The following FANCC variants were observed in gnomAD, a reference collection of about 807,000 sequenced individuals.
FANCC encodes the protein Fanconi anemia group C protein.
A neutral mutation model predicts 71.3 loss-of-function variants in FANCC; 55 were observed. The ratio of observed to expected loss-of-function variants is 0.77; its 90% CI spans 0.62 to 0.97. The LOEUF (loss-of-function observed/expected upper bound fraction) is 0.97. FANCC is among the 50% of genes least tolerant of loss of function. The probability of loss-of-function intolerance (pLI) is 0.00; values close to 1 mark genes in which losing one functional copy is unlikely to be tolerated. For missense variants in FANCC, 678 were observed against 670.9 expected (o/e 1.01, Z -0.12); for synonymous variants, 275 against 244.9 (o/e 1.12, Z -1.15).
chr9:95,226,910 G>A (rs910732457), intron 4 of FANCC, among the ~76,000 whole-genome samples: 5 of 152,100 alleles, frequency 3.3e-5, no homozygotes, highest in African/African-American at 1.2e-4. Flanking sequence ...AGCTACAAAG[G>A]TCCAGCCCTC....
rs72752327 is a variant in FANCC at position 95,206,381 on chromosome 9, C to T, written c.346-34234G>A. Among the ~76,000 whole-genome samples, 1,406 of 151,984 alleles carry T rather than the reference C, an allele frequency of 9.3e-3. 14 individuals are homozygous for T. Among genetic ancestry groups the T allele is most frequent in the Non-Finnish European group, 0.017 (1,153 of 67,974 alleles). On this transcript the variant is annotated intron_variant, in intron 4 of 14. Transcript: ENST00000289081. ...TGCTGGATCTCGGTATCTGCCAGCG[C>T]GGTCTGTGCCATGTTGTAATTATTA... is the stretch of plus-strand genomic sequence containing the variant.
chr9:95,249,012 T>A (rs59787074), intron 2 of FANCC, 115 bp downstream of exon 2: 1 of 1,050,818 alleles, frequency 9.5e-7, no homozygotes, highest in African/African-American at 1.6e-5. Flanking sequence ...TCCTAATCCA[T>A]CGGCACTTCA....
At chr9:95,187,722 G>A (rs1156824559) in intron 4 of FANCC, among the ~76,000 whole-genome samples, 1 of 151,894 alleles carries the variant, frequency 6.6e-6, no homozygotes, top group African/African-American at 2.4e-5. Context: ...TGTGCACTAG[G>A]GAAAGAACCA....
chr9:95,186,729 C>T (rs1826741106), intron 4 of FANCC: 1 of 151,706 alleles, frequency 6.6e-6, no homozygotes, highest in East Asian at 1.9e-4. Flanking sequence ...CCCACTGATA[C>T]CAGGTTACTT....
At chr9:95,229,889 T>C (rs1829887302) in intron 4 of FANCC, among the ~76,000 whole-genome samples, 1 of 152,116 alleles carries the variant, frequency 6.6e-6, no homozygotes, top group Non-Finnish European at 1.5e-5. Context: ...TCTTACCTTT[T>C]AGAAAAAGAG....
At chr9:95,286,245 T>C (rs981893290) in intron 1 of FANCC, among the ~76,000 whole-genome samples, 1 of 152,246 alleles carries the variant, frequency 6.6e-6, no homozygotes, top group Admixed American at 6.5e-5. Context: ...ATAATAATCA[T>C]GTATTATTTT....
At chr9:95,174,800 G>A (rs1825907641) in intron 4 of FANCC, among the ~76,000 whole-genome samples, 1 of 152,036 alleles carries the variant, frequency 6.6e-6, no homozygotes, top group Non-Finnish European at 1.5e-5. Flanking sequence ...GAGGCTAAGG[G>A]TGCCTCAGTG....
chr9:95,313,584 A>C (rs1316982841), intron 1 of FANCC, among the ~76,000 whole-genome samples: 1 of 152,244 alleles, frequency 6.6e-6, no homozygotes, highest in Admixed American at 6.5e-5. Context: ...ACAAACTCTG[A>C]AAAAATAGGA....
At chr9:95,162,940 G>T (rs1830838682) in intron 6 of FANCC, among the ~76,000 whole-genome samples, 1 of 152,030 alleles carries the variant, frequency 6.6e-6, no homozygotes, top group South Asian at 2.1e-4. Flanking sequence ...TTCCTTTGTT[G>T]CACAGACACT....
intron 4 of FANCC, among the ~76,000 whole-genome samples, chr9:95,187,066 C>T (rs1439624029): frequency 6.6e-6 from 1 of 152,112 alleles, no homozygotes; most frequent in African/African-American, 2.4e-5. Context: ...AGCCACCGTG[C>T]CTGGCCTTAG....
chr9:95,263,239 C>A (rs551873836), intron 1 of FANCC, among the ~76,000 whole-genome samples: 10 of 152,240 alleles, frequency 6.6e-5, no homozygotes, highest in Admixed American at 5.9e-4. Context: ...CCCCTCAGAA[C>A]AGGGCTGCAC....
intron 3 of FANCC, among the ~76,000 whole-genome samples, chr9:95,244,702 AAAAAAAAAAAAC>A (rs1415647459): frequency 2.0e-5 from 3 of 149,640 alleles, no homozygotes; most frequent in South Asian, 2.1e-4. Context: ...AAAAAAAAAA[AAAAAAAAAAAAC>A]CCAACACTTG....
intron 6 of FANCC, among the ~76,000 whole-genome samples, chr9:95,157,390 A>T (rs1830510147): frequency 6.6e-6 from 1 of 152,240 alleles, no homozygotes; most frequent in Non-Finnish European, 1.5e-5. Flanking sequence ...AAGTAAAGTC[A>T]ACAATTCAGT....
chr9:95,293,755 T>C (rs1390516373), intron 1 of FANCC: 3 of 1,613,976 alleles, frequency 1.9e-6, no homozygotes, highest in Non-Finnish European at 2.5e-6. Context: ...ACTTCATCTA[T>C]AGCTGCTCAG....
intron 4 of FANCC, among the ~76,000 whole-genome samples, chr9:95,185,733 A>C (rs1305049292): frequency 6.6e-6 from 1 of 152,180 alleles, no homozygotes; most frequent in Non-Finnish European, 1.5e-5. Flanking sequence ...TATCTACCTA[A>C]GCCTAAGTGG....
intron 1 of FANCC, among the ~76,000 whole-genome samples, chr9:95,285,532 G>A (rs1052229533): frequency 2.6e-5 from 4 of 152,046 alleles, no homozygotes; most frequent in African/African-American, 9.7e-5. Context: ...AGTCAAAAAA[G>A]CAGAGTGAAA....
Position 95,135,470 on chromosome 9 carries a change from A to G in FANCC, c.719T>C (p.Val240Ala), listed in dbSNP as rs1278016347. 6.2e-7 allele frequency: 1 copy of G among 1,614,102 alleles called. No homozygotes were observed. Among genetic ancestry groups the G allele is most frequent in the Admixed American group, 1.7e-5 (1 of 60,030 alleles). ...GGGAAGGTGCCGAAGCCAGAGGCAG[A>G]CTACAGCTGACATGGGGAGAGAAAT... ...KKISLPMSAV[V>A]CLWLRHLPSL... The change falls in exon 8 of 15, where the codon GTC becomes GCC. Residue 240 changes from valine to alanine, a missense_variant. Physicochemically the swap from Val to Ala is moderately conservative, Grantham distance 64. Coordinates refer to ENST00000289081, the MANE Select transcript of FANCC (RefSeq NM_000136.3).
At chr9:95,259,644 T>C (rs1460297046) in intron 1 of FANCC, among the ~76,000 whole-genome samples, 3 of 152,168 alleles carry the variant, frequency 2.0e-5, no homozygotes, top group African/African-American at 4.8e-5. Context: ...AAAGACTTCA[T>C]GACTAAAATA....
intron 1 of FANCC, among the ~76,000 whole-genome samples, chr9:95,253,459 A>G (rs1831475741): frequency 6.6e-6 from 1 of 152,162 alleles, no homozygotes; most frequent in African/African-American, 2.4e-5. Context: ...TTAAATCAAT[A>G]TTTTTAAATA....
Sources: allele counts gnomAD v4.1 joint callset (sites outside exome capture counted in the v4.1 genomes callset), GRCh38; gene constraint gnomAD v4.1.1; transcripts MANE v1.5; gene names NCBI Gene and HGNC (gene_info 2026-07-23, HGNC 2026-07-21).